POLR2F: variants seen among roughly 807,000 people sequenced by gnomAD.
The protein encoded by POLR2F is DNA-directed RNA polymerases I, II, and III subunit RPABC2.
In POLR2F, 12 loss-of-function variants were observed where a neutral mutation model predicts 22.7. That is an observed-to-expected ratio of 0.53 (90% confidence interval 0.34 to 0.86). The LOEUF (loss-of-function observed/expected upper bound fraction) is 0.86, where lower values mean the gene tolerates loss of function less well. Ranked by LOEUF, POLR2F falls within the 40% of genes least tolerant of loss-of-function variation. The pLI, the probability that POLR2F is intolerant of heterozygous loss-of-function variation, is 0.02. For synonymous variants in POLR2F, 57 were observed against 66.0 expected (o/e 0.86, Z 0.66); for missense variants, 126 against 171.5 (o/e 0.73, Z 1.48).
chr22:37,983,942 C>T (rs1242242603), upstream of POLR2F: 1 of 486,506 alleles, frequency 2.1e-6, no homozygotes, highest in African/African-American at 2.1e-5. This position sits in a 1 kb window ranked among gnomAD's most constrained non-coding sequence, Gnocchi z 9.5. Flanking sequence ...GACGTGGGCA[C>T]AGCCCCGAGG....
At position 37,986,208 on chromosome 22, in the gene POLR2F, G is replaced by A. The variant is rs1166801265; in HGVS notation, c.18G>A (p.Gly6=). The change falls in exon 1 of 3, where the codon GGG becomes GGA. Residue 6 remains glycine, a synonymous_variant. Transcript: ENST00000333418. The surrounding 1 kb of genome is among the most constrained non-coding windows in gnomAD (Gnocchi z 4.7). ...AGGAGCCGCCCTGGATGGACAGAGG[G>A]ACGAGGGACGAGCATCTGCCGTCGT... is the stretch of plus-strand genomic sequence containing the variant. 2.3e-5 allele frequency: 36 copies of A among 1,542,218 alleles called. No individual in the cohort carries two copies. The highest frequency in any genetic ancestry group is 3.0e-5 in the Non-Finnish European group (35 of 1,147,546).
Position 37,959,383 on chromosome 22 carries a change from A to G in POLR2F, c.128A>G (p.Glu43Gly). 1 of 1,613,674 alleles carries G rather than the reference A, an allele frequency of 6.2e-7. No individual in the cohort carries two copies. Among genetic ancestry groups the G allele is most frequent in the Non-Finnish European group, 8.5e-7 (1 of 1,179,840 alleles). ...AATGTCGAGATCCTCCCCTCTGGGG[A>G]GCGACCGCAGGCCAACCAGAAGCGA... ...QENVEILPSG[E>G]RPQANQKRIT... Residue 43 changes from glutamate to glycine, a missense_variant, in exon 3 of 5, where the codon GAG becomes GGG. Transcript: ENST00000442738.
chr22:38,017,721 C>T lies in POLR2F; in HGVS notation c.121-8148C>T, dbSNP rs529542812. Among the ~76,000 whole-genome samples, 4 of 152,294 alleles carry T rather than the reference C, an allele frequency of 2.6e-5. No individual in the cohort carries two copies. The highest frequency in any genetic ancestry group is 4.1e-4 in the South Asian group (2 of 4,830). On this transcript the variant is annotated intron_variant, in intron 1 of 2. Transcript: ENST00000333418. The surrounding 1 kb of genome is among the most constrained non-coding windows in gnomAD (Gnocchi z 4.1). The stretch of plus-strand genomic sequence containing the variant: ...CTGTAGCACCAGCCAAGAAGTCACC[C>T]GCCCCCGCTGGCACAGCTCCAGTGA...
At chr22:37,979,509 G>A (rs1310464738) in intron 4 of POLR2F, among the ~76,000 whole-genome samples, 2 of 152,084 alleles carry the variant, frequency 1.3e-5, no homozygotes, top group African/African-American at 4.8e-5. Flanking sequence ...GTGGGACTGA[G>A]GGGGCAGATG....
chr22:37,976,159 G>A (rs1261017982), intron 4 of POLR2F, among the ~76,000 whole-genome samples: 4 of 152,148 alleles, frequency 2.6e-5, no homozygotes, highest in Admixed American at 6.5e-5. Flanking sequence ...GGAGGCAGAC[G>A]TTGCAGTGAA....
At chr22:38,021,013 G>A (rs1373099193) in intron 1 of POLR2F, among the ~76,000 whole-genome samples, 2 of 152,184 alleles carry the variant, frequency 1.3e-5, no homozygotes, top group African/African-American at 2.4e-5. Flanking sequence ...TTTGCTCATG[G>A]CCACTGGCTG....
chr22:38,036,142 A>T (rs1235817654), intron 5 of POLR2F, among the ~76,000 whole-genome samples: 1 of 151,842 alleles, frequency 6.6e-6, no homozygotes, highest in Non-Finnish European at 1.5e-5. Flanking sequence ...CACCTGGCTA[A>T]GTTTTTGTAT....
chr22:38,027,069 T>C (rs1430374010), downstream of POLR2F, among the ~76,000 whole-genome samples: 1 of 152,148 alleles, frequency 6.6e-6, no homozygotes, highest in Non-Finnish European at 1.5e-5. Flanking sequence ...GGGATGTGTG[T>C]CCCTGTCCCT....
downstream of POLR2F, chr22:37,972,133 G>A: frequency 2.7e-6 from 1 of 375,112 alleles, no homozygotes; most frequent in Non-Finnish European, 5.1e-6. Context: ...GGAGGGGGGA[G>A]AGAGAGAGGA....
At chr22:38,027,542 C>T (rs186440702), downstream of POLR2F, among the ~76,000 whole-genome samples, 2 of 152,274 alleles carry the variant, frequency 1.3e-5, no homozygotes, top group African/African-American at 4.8e-5. Flanking sequence ...CCTCCTCTCG[C>T]TGTGCTATTC....
intron 1 of POLR2F, among the ~76,000 whole-genome samples, chr22:37,996,607 C>T (rs1359448365): frequency 2.0e-5 from 3 of 152,206 alleles, no homozygotes; most frequent in Non-Finnish European, 4.4e-5. Context: ...TGTGCCCAGC[C>T]CTGTGCAGAC....
At chr22:37,972,068 G>A (rs557943277), downstream of POLR2F, among the ~76,000 whole-genome samples, 6 of 137,526 alleles carry the variant, frequency 4.4e-5, no homozygotes, top group Non-Finnish European at 6.3e-5. Context: ...AGGGGGGAGA[G>A]AGAGAGAAAG....
At chr22:37,981,664 A>G (rs1932400389), upstream of POLR2F, among the ~76,000 whole-genome samples, 2 of 152,064 alleles carry the variant, frequency 1.3e-5, no homozygotes, top group African/African-American at 4.8e-5. Context: ...AGTCTGCCCT[A>G]TCTGTATGTC....
chr22:38,039,104 T>C (rs1458160683), intron 5 of POLR2F, among the ~76,000 whole-genome samples: 17 of 151,972 alleles, frequency 1.1e-4, no homozygotes, highest in Admixed American at 1.1e-3. Context: ...CGGGAGCGGC[T>C]CCCCTCTGAC....
chr22:37,956,980 G>A, intron 2 of POLR2F, 138 bp downstream of exon 2: 1 of 739,440 alleles, frequency 1.4e-6, no homozygotes, highest in East Asian at 2.6e-5. Flanking sequence ...AGAGTGAGCT[G>A]TGTTCCAGTC....
At chr22:37,967,225 G>C (rs1248995902) in intron 4 of POLR2F, 55 bp downstream of exon 4, 1 of 1,602,938 alleles carries the variant, frequency 6.2e-7, no homozygotes, top group Non-Finnish European at 8.5e-7. Context: ...GCATCTGTTG[G>C]GCTCTCTGTT....
intron 1 of POLR2F, among the ~76,000 whole-genome samples, chr22:38,022,718 AAAG>A (rs1247096881): frequency 6.6e-6 from 1 of 152,130 alleles, no homozygotes; most frequent in Non-Finnish European, 1.5e-5. Flanking sequence ...AAAAATAAAA[AAAG>A]AAATAAGTGG....
At chr22:38,024,664 G>A (rs2084991525) in intron 1 of POLR2F, among the ~76,000 whole-genome samples, 3 of 152,098 alleles carry the variant, frequency 2.0e-5, no homozygotes, top group Non-Finnish European at 4.4e-5. Flanking sequence ...GGGAGGTGGG[G>A]GTGCAATCCA....
chr22:37,977,147 G>T (rs1308635349), intron 4 of POLR2F, among the ~76,000 whole-genome samples: 1 of 149,396 alleles, frequency 6.7e-6, no homozygotes, highest in Non-Finnish European at 1.5e-5. Flanking sequence ...TAGCCTGGGC[G>T]ACAGAGTGAG....
Sources: allele counts gnomAD v4.1 joint callset (sites outside exome capture counted in the v4.1 genomes callset), GRCh38; gene constraint gnomAD v4.1.1; non-coding constraint Gnocchi (gnomAD v3.1); transcripts MANE v1.5; gene names NCBI Gene and HGNC (gene_info 2026-07-23, HGNC 2026-07-21).